MAP2K1: variants seen among roughly 807,000 people sequenced by gnomAD.
MAP2K1 encodes mitogen-activated protein kinase kinase 1.
MAP2K1 carries 16 observed loss-of-function variants against 46.3 expected under a neutral mutation model. The ratio of observed to expected loss-of-function variants is 0.35; its 90% CI spans 0.23 to 0.52. The LOEUF (loss-of-function observed/expected upper bound fraction) is 0.52. Among genes scored for constraint, MAP2K1 ranks in the 20% least tolerant of loss-of-function variants. The pLI, the probability that MAP2K1 is intolerant of heterozygous loss-of-function variation, is 0.94. For synonymous variants in MAP2K1, 183 were observed against 185.6 expected, an observed-to-expected ratio of 0.99 and a Z score of 0.11; for missense variants, 263 against 497.1, an observed-to-expected ratio of 0.53 and a Z score of 4.48.
chr15:66,427,342 G>A (rs1272049751), intron 1 of MAP2K1, among the ~76,000 whole-genome samples: 1 of 151,804 alleles, frequency 6.6e-6, no homozygotes, highest in Non-Finnish European at 1.5e-5. Context: ...GGCAGATCAC[G>A]AGGTCAGGAG....
chr15:66,487,422 C>T (rs1265997748), intron 8 of MAP2K1, 130 bp downstream of exon 8: 7 of 848,458 alleles, frequency 8.3e-6, no homozygotes, highest in Middle Eastern at 2.2e-4. Flanking sequence ...GTGGATCACA[C>T]GAGGTGAGGA....
chr15:66,425,913 G>A (rs963733961), intron 1 of MAP2K1, among the ~76,000 whole-genome samples: 7 of 152,230 alleles, frequency 4.6e-5, no homozygotes, highest in South Asian at 2.1e-4. Flanking sequence ...CCACATTTCA[G>A]TCAGGGCCTT....
At chr15:66,449,753 C>T (rs945852994) in intron 5 of MAP2K1, among the ~76,000 whole-genome samples, 4 of 151,890 alleles carry the variant, frequency 2.6e-5, no homozygotes, top group African/African-American at 7.3e-5. Context: ...TGGTGGTGGG[C>T]GCCTATAATC....
chr15:66,458,461 A>G (rs1049284469), intron 5 of MAP2K1, among the ~76,000 whole-genome samples: 4 of 152,194 alleles, frequency 2.6e-5, no homozygotes, highest in Non-Finnish European at 5.9e-5. Flanking sequence ...TAATGAAACC[A>G]TGTGTAACCT....
chr15:66,421,747 T>C (rs1024891109), intron 1 of MAP2K1, among the ~76,000 whole-genome samples: 1 of 150,838 alleles, frequency 6.6e-6, no homozygotes, highest in Admixed American at 6.6e-5. Context: ...TGCAGTGAGC[T>C]GAGATCGTAT....
intron 5 of MAP2K1, among the ~76,000 whole-genome samples, chr15:66,481,298 G>T (rs1024899651): frequency 6.6e-6 from 1 of 152,136 alleles, no homozygotes; most frequent in African/African-American, 2.4e-5. Flanking sequence ...GGGAATTCCC[G>T]CCAAACCCTG....
At chr15:66,489,461 C>CT in intron 9 of MAP2K1, 185 bp downstream of exon 9, 1 of 688,098 alleles carries the variant, frequency 1.5e-6, no homozygotes, top group Non-Finnish European at 2.6e-6. Context: ...GCATGTCTAA[C>CT]TACATCATGG....
intron 3 of MAP2K1, among the ~76,000 whole-genome samples, chr15:66,439,692 G>T (rs747692001): frequency 6.6e-6 from 1 of 152,152 alleles, no homozygotes; most frequent in Non-Finnish European, 1.5e-5. Flanking sequence ...CTTCAACCCA[G>T]AAGGTGGAGG....
intron 8 of MAP2K1, among the ~76,000 whole-genome samples, chr15:66,488,362 T>A (rs768444406): frequency 1.2e-4 from 19 of 152,174 alleles, no homozygotes; most frequent in Admixed American, 1.2e-3. Context: ...GAGCACTAGG[T>A]TGGGCTTTGT....
In MAP2K1 at chr15:66,414,204, G is replaced by GGAAT. The variant is rs2093418982; in HGVS notation, c.81-20822_81-20821insAATG. Among the ~76,000 whole-genome samples the GGAAT allele has an allele frequency of 1.3e-5, 2 of 148,824 alleles. 1 individual carries two copies. The highest frequency in any genetic ancestry group is 3.0e-5 in the Non-Finnish European group (2 of 66,334). ...CTCTCATGCTAACTACCCAGAGTCA[G>GGAAT]GCAGACCTCATAGGTTAAACACACA... On this transcript the variant is annotated intron_variant, in intron 1 of 10. Transcript: ENST00000307102.
At chr15:66,462,496 CAAAAAAAAAA>C (rs551065737) in intron 5 of MAP2K1, among the ~76,000 whole-genome samples, 1 of 72,900 alleles carries the variant, frequency 1.4e-5, no homozygotes, top group African/African-American at 4.8e-5. Context: ...GACTCTGTCT[CAAAAAAAAAA>C]AAAAAAAAAA....
chr15:66,490,303 A>AGGCC, intron 10 of MAP2K1, 199 bp from the exon 11 acceptor site: 1 of 691,932 alleles, frequency 1.4e-6, no homozygotes, highest in African/African-American at 1.8e-5. Context: ...GACTTGCCCA[A>AGGCC]GGCCTCACAG....
chr15:66,392,559 T>C (rs1038270378), intron 1 of MAP2K1, among the ~76,000 whole-genome samples: 30 of 150,116 alleles, frequency 2.0e-4, no homozygotes, highest in South Asian at 6.3e-4. Flanking sequence ...CTTTTCTTTT[T>C]TTTTTTTTTT....
chr15:66,441,275 C>T (rs1366045374), intron 3 of MAP2K1, among the ~76,000 whole-genome samples: 6 of 152,036 alleles, frequency 3.9e-5, no homozygotes, highest in African/African-American at 1.2e-4. Flanking sequence ...TTGTTTTTTC[C>T]TTTTTAATAG....
At chr15:66,388,655 G>A (rs181859623) in intron 1 of MAP2K1, among the ~76,000 whole-genome samples, 20 of 152,280 alleles carry the variant, frequency 1.3e-4, no homozygotes, top group Admixed American at 1.2e-3. Flanking sequence ...ACAGGCATGA[G>A]CCACTATGCC....
intron 5 of MAP2K1, among the ~76,000 whole-genome samples, chr15:66,447,984 C>G (rs1279556593): frequency 6.6e-6 from 1 of 151,910 alleles, no homozygotes; most frequent in Non-Finnish European, 1.5e-5. Flanking sequence ...AACCCCCTAT[C>G]TCTACTAAAA....
chr15:66,470,455 C>T (rs1013623454), intron 5 of MAP2K1, among the ~76,000 whole-genome samples: 1 of 152,168 alleles, frequency 6.6e-6, no homozygotes, highest in African/African-American at 2.4e-5. Context: ...TGGAAGCAAG[C>T]TCAAAACTCC....
rs144501265 is a variant in MAP2K1, at chr15:66,446,204, G to A, written c.568+1497G>A. Among the ~76,000 whole-genome samples the A allele has an allele frequency of 3.8e-3, 568 of 151,418 alleles. 3 individuals carry two copies. The highest frequency in any genetic ancestry group is 6.9e-3 in the Middle Eastern group (2 of 290). On this transcript the variant is annotated intron_variant, in intron 5 of 10. Coordinates refer to ENST00000307102, the MANE Select transcript of MAP2K1 (RefSeq NM_002755.4). ...CACTGCACTCCAGCCTGGGTGACGA[G>A]CAAGACTCCGTCTCAAAACAAACAA...
intron 3 of MAP2K1, among the ~76,000 whole-genome samples, chr15:66,440,167 C>A (rs7182129): frequency 7.9e-5 from 12 of 152,142 alleles, no homozygotes; most frequent in African/African-American, 2.9e-4. Context: ...TCTCAGCTCA[C>A]TGCAACCTCT....
Sources: gnomAD v4.1 joint callset for allele counts (sites outside exome capture counted in the v4.1 genomes callset) on GRCh38, gnomAD v4.1.1 for gene constraint, MANE v1.5 for transcripts, NCBI Gene and HGNC (gene_info 2026-07-23, HGNC 2026-07-21) for gene names.